Variants in SH3RF2 observed in about 807,000 individuals in gnomAD.
SH3RF2 encodes SH3 domain containing ring finger 2, also known as E3 ubiquitin-protein ligase SH3RF2.
Under a neutral mutation model 59.0 loss-of-function variants are expected in SH3RF2, and 43 were observed. The observed-to-expected ratio is 0.73, with a 90% CI of 0.57 to 0.94. The LOEUF (loss-of-function observed/expected upper bound fraction) is 0.94, where lower values mean the gene tolerates loss of function less well. Ranked by LOEUF, SH3RF2 falls within the 40% of genes least tolerant of loss-of-function variation. The pLI is 0.00. For missense variants in SH3RF2, 930 were observed against 940.1 expected, an observed-to-expected ratio of 0.99 and a Z score of 0.14; for synonymous variants, 391 against 391.5, an observed-to-expected ratio of 1.00 and a Z score of 0.01.
At chr5:145,998,070 A>G in intron 2 of SH3RF2, 1 of 571,932 alleles carries the variant, frequency 1.7e-6, no homozygotes, top group Admixed American at 3.3e-5. Context: ...GTTGCAAATA[A>G]TGATGAAAAA....
chr5:145,969,213 G>A (rs1373351884), intron 2 of SH3RF2, among the ~76,000 whole-genome samples: 2 of 152,100 alleles, frequency 1.3e-5, no homozygotes, highest in African/African-American at 2.4e-5. Flanking sequence ...GCTATGAAAA[G>A]GAATGAAGCA....
At chr5:145,985,101 A>G (rs888332815) in intron 2 of SH3RF2, among the ~76,000 whole-genome samples, 1 of 152,172 alleles carries the variant, frequency 6.6e-6, no homozygotes, top group African/African-American at 2.4e-5. Flanking sequence ...GGCTTCAGTG[A>G]GCCATGGTCA....
downstream of SH3RF2, among the ~76,000 whole-genome samples, chr5:146,064,792 G>GAAGGAAGGA (rs1561773729): frequency 2.9e-5 from 1 of 33,938 alleles, no homozygotes; most frequent in African/African-American, 1.1e-4. Flanking sequence ...AGGAAGGAAG[G>GAAGGAAGGA]AAGGAAGGAA....
intron 7 of SH3RF2, among the ~76,000 whole-genome samples, chr5:146,054,846 G>A (rs1280596416): frequency 6.6e-6 from 1 of 152,224 alleles, no homozygotes; most frequent in Non-Finnish European, 1.5e-5. Flanking sequence ...AAACCATTTG[G>A]CATCTCTGTG....
chr5:145,983,217 G>A (rs1397908759), intron 2 of SH3RF2, among the ~76,000 whole-genome samples: 1 of 151,188 alleles, frequency 6.6e-6, no homozygotes, highest in African/African-American at 2.4e-5. Context: ...ATTTATACCA[G>A]GGAAATTGGC....
chr5:145,958,124 A>C (rs865848864), intron 2 of SH3RF2, among the ~76,000 whole-genome samples: 1 of 151,914 alleles, frequency 6.6e-6, no homozygotes, highest in Non-Finnish European at 1.5e-5. Context: ...AAAAAAAAAA[A>C]CAAAAAAACA....
chr5:146,007,125 C>T (rs1014607862), intron 4 of SH3RF2, among the ~76,000 whole-genome samples: 2 of 152,078 alleles, frequency 1.3e-5, no homozygotes, highest in Admixed American at 1.3e-4. Flanking sequence ...AGTGTGGATT[C>T]GACCCAAAAG....
intron 2 of SH3RF2, among the ~76,000 whole-genome samples, chr5:145,973,866 G>A (rs1467399023): frequency 6.6e-6 from 1 of 152,206 alleles, no homozygotes; most frequent in African/African-American, 2.4e-5. Flanking sequence ...GTAAAAAGGG[G>A]TGAGGGAGAA....
intron 5 of SH3RF2, among the ~76,000 whole-genome samples, chr5:146,026,920 G>A (rs932258487): frequency 1.3e-5 from 2 of 152,206 alleles, no homozygotes; most frequent in African/African-American, 4.8e-5. Flanking sequence ...CAGGGTTTAG[G>A]AGTGGTAAAT....
chr5:145,996,833 T>C (rs1284879467), intron 2 of SH3RF2, among the ~76,000 whole-genome samples: 1 of 152,204 alleles, frequency 6.6e-6, no homozygotes. Flanking sequence ...ATTTCCCAGT[T>C]GTGTCATCTT....
At chr5:146,026,596 C>G (rs1240125452) in intron 5 of SH3RF2, among the ~76,000 whole-genome samples, 2 of 152,194 alleles carry the variant, frequency 1.3e-5, no homozygotes, top group African/African-American at 4.8e-5. Context: ...CACATTTACA[C>G]AACAGACCTG....
At chr5:146,045,705 A>G (rs950493149) in intron 5 of SH3RF2, among the ~76,000 whole-genome samples, 3 of 152,176 alleles carry the variant, frequency 2.0e-5, no homozygotes, top group Non-Finnish European at 2.9e-5. Flanking sequence ...TGGTTGTACC[A>G]TATTTTGTTT....
chr5:145,984,648 T>C (rs1437168488), intron 2 of SH3RF2, among the ~76,000 whole-genome samples: 1 of 152,162 alleles, frequency 6.6e-6, no homozygotes, highest in Non-Finnish European at 1.5e-5. Flanking sequence ...TTGAAAGAAA[T>C]GACCTTATGT....
chr5:146,014,376 C>G (rs1052969656), intron 5 of SH3RF2, among the ~76,000 whole-genome samples: 2 of 152,132 alleles, frequency 1.3e-5, no homozygotes, highest in African/African-American at 2.4e-5. Context: ...TCGTTCCTGT[C>G]CCTTAGAGAA....
At chr5:145,979,787 T>C (rs1759441101) in intron 2 of SH3RF2, among the ~76,000 whole-genome samples, 1 of 152,204 alleles carries the variant, frequency 6.6e-6, no homozygotes, top group African/African-American at 2.4e-5. Context: ...GAGAAAATGA[T>C]AGTGGACTTT....
chr5:145,959,590 C>T (rs1269557861), intron 2 of SH3RF2, among the ~76,000 whole-genome samples: 1 of 150,118 alleles, frequency 6.7e-6, no homozygotes, highest in Non-Finnish European at 1.5e-5. Flanking sequence ...TAGTTGCAAA[C>T]AATAAAATCT....
Position 146,013,919 on chromosome 5 carries a change from A to C in SH3RF2, c.917A>C (p.Asn306Thr). 1 of 1,614,118 alleles carries C rather than the reference A, an allele frequency of 6.2e-7. No individual in the cohort carries two copies. The highest frequency in any genetic ancestry group is 8.5e-7 in the Non-Finnish European group (1 of 1,180,006). ...PGQFSITTAL[N>T]TLNRMVHSPS... ...CAGTTTTCCATCACAACAGCCTTGA[A>C]CACTCTCAACCGGATGGTCCATTCT... The change falls in exon 5 of 10, where the codon AAC becomes ACC. Residue 306 changes from asparagine (N) to threonine (T), a missense_variant. Coordinates refer to ENST00000359120, the MANE Select transcript of SH3RF2 (RefSeq NM_152550.4).
intron 2 of SH3RF2, among the ~76,000 whole-genome samples, chr5:145,957,945 T>A (rs1353468900): frequency 6.6e-6 from 1 of 152,054 alleles, no homozygotes; most frequent in Admixed American, 6.5e-5. Context: ...AAACCCCGTC[T>A]CTACCAAAAA....
chr5:145,968,057 A>G (rs568823369), intron 2 of SH3RF2, among the ~76,000 whole-genome samples: 2 of 131,634 alleles, frequency 1.5e-5, no homozygotes, highest in Non-Finnish European at 2.9e-5. Flanking sequence ...ATATTTGCCT[A>G]TGTATATTTG....
Sources: allele counts gnomAD v4.1 joint callset (sites outside exome capture counted in the v4.1 genomes callset), GRCh38; gene constraint gnomAD v4.1.1; transcripts MANE v1.5; gene names NCBI Gene and HGNC (gene_info 2026-07-23, HGNC 2026-07-21).